Variants in GEM observed in about 807,000 individuals in gnomAD.
GEM encodes GTP-binding protein GEM.
A neutral mutation model predicts 33.0 loss-of-function variants in GEM; 31 were observed. That is an observed-to-expected ratio of 0.94 (90% CI 0.71 to 1.27). The LOEUF (loss-of-function observed/expected upper bound fraction) is 1.27, where lower values mean the gene tolerates loss of function less well. GEM is among the 50% of genes most tolerant of loss of function. The probability of loss-of-function intolerance (pLI) is 0.00; values close to 1 mark genes in which losing one functional copy is unlikely to be tolerated. For missense variants in GEM, 354 were observed against 390.5 expected (o/e 0.91, Z 0.79); for synonymous variants, 141 against 143.7 (o/e 0.98, Z 0.13).
intron 2 of GEM, among the ~76,000 whole-genome samples, chr8:94,255,050 C>T (rs950743449): frequency 6.6e-6 from 1 of 152,150 alleles, no homozygotes; most frequent in African/African-American, 2.4e-5. Flanking sequence ...GATGGCCTGA[C>T]TGCTGCTTCC....
chr8:94,250,179 G>C lies in GEM; in HGVS notation c.*131C>G. The C allele has an allele frequency of 1.4e-6, 1 of 716,708 alleles. No individual in the cohort carries two copies. Among genetic ancestry groups the C allele is most frequent in the East Asian group, 2.6e-5 (1 of 37,854 alleles). 44.4% of individuals were successfully genotyped at this position (716,708 alleles called of 1,614,324 possible). Reference sequence around the variant, plus strand: ...TCCCATGCATCATGTTGCCCACAAGGCTAATACGCTAGCTCCCTGCTACAA... The same window carrying C: ...TCCCATGCATCATGTTGCCCACAAGCCTAATACGCTAGCTCCCTGCTACAA... On this transcript the variant is annotated 3_prime_UTR_variant, in exon 5 of 5. Transcript: ENST00000297596.
At chr8:94,258,300 C>G (rs1313481244) in intron 2 of GEM, among the ~76,000 whole-genome samples, 1 of 152,192 alleles carries the variant, frequency 6.6e-6, no homozygotes, top group African/African-American at 2.4e-5. Context: ...AAAAACAACT[C>G]CCAGTCCATC....
intron 2 of GEM, among the ~76,000 whole-genome samples, chr8:94,255,471 G>A (rs908347454): frequency 2.0e-5 from 3 of 152,058 alleles, no homozygotes; most frequent in Non-Finnish European, 4.4e-5. Flanking sequence ...CAGTACATGA[G>A]TTTAGATACG....
At chr8:94,257,718 G>GGAAT (rs1483364642) in intron 2 of GEM, among the ~76,000 whole-genome samples, 11 of 152,092 alleles carry the variant, frequency 7.2e-5, no homozygotes, top group Non-Finnish European at 1.0e-4. Flanking sequence ...TAACTTCTTA[G>GGAAT]GAATGAATGA....
chr8:94,258,451 C>T (rs1438420156), intron 2 of GEM, among the ~76,000 whole-genome samples: 1 of 152,102 alleles, frequency 6.6e-6, no homozygotes, highest in Non-Finnish European at 1.5e-5. Flanking sequence ...CCTTGTATCC[C>T]AGAGCTTAGG....
intron 1 of GEM, among the ~76,000 whole-genome samples, chr8:94,261,515 GT>G (rs1288729746): frequency 6.6e-6 from 1 of 152,028 alleles, no homozygotes; most frequent in African/African-American, 2.4e-5. Flanking sequence ...ACGTCCACTA[GT>G]TTTTTTATTT....
chr8:94,252,790 A>G (rs945037267), intron 3 of GEM, among the ~76,000 whole-genome samples: 2 of 152,196 alleles, frequency 1.3e-5, no homozygotes, highest in Non-Finnish European at 2.9e-5. Flanking sequence ...AAACAAATAA[A>G]CTTTTTGGGT....
chr8:94,251,124 A>G (rs1464977953), intron 4 of GEM, among the ~76,000 whole-genome samples: 1 of 152,212 alleles, frequency 6.6e-6, no homozygotes, highest in Non-Finnish European at 1.5e-5. Context: ...TGGAAATAAG[A>G]ATTCTACTGC....
chr8:94,256,024 T>C (rs148045973), intron 2 of GEM, among the ~76,000 whole-genome samples: 210 of 152,308 alleles, frequency 1.4e-3, no homozygotes, highest in Non-Finnish European at 2.5e-3. Flanking sequence ...TCCGTTTCCA[T>C]CCTGGCAGAA....
At position 94,256,703 on chromosome 8, in the gene GEM, C is replaced by T. The variant is rs528350647; in HGVS notation, c.331+3470G>A. ...CCCCGGTCCCCTCTGGACAGCTCCA[C>T]GGGCCCCAGCCAACAGTGACCAAAG... On this transcript the variant is annotated intron_variant, in intron 2 of 4. Transcript: ENST00000297596. Among the ~76,000 whole-genome samples, 9 of 152,326 alleles carry T rather than the reference C, an allele frequency of 5.9e-5. No individual in the cohort carries two copies. The East Asian group carries it at 1.3e-3, about 23-fold the overall frequency.
chr8:94,250,637 T>G, intron 4 of GEM, 50 bp from the exon 5 acceptor site: 2 of 1,448,314 alleles, frequency 1.4e-6, no homozygotes, highest in Non-Finnish European at 9.5e-7. Context: ...CAGTCCCACA[T>G]AGCACACAGT....
rs759705261 is a variant in GEM, at chr8:94,250,423, C to T, written c.778G>A (p.Glu260Lys). 6.2e-7 allele frequency: 1 copy of T among 1,614,094 alleles called. No homozygotes were observed. The highest frequency in any genetic ancestry group is 2.2e-5 in the East Asian group (1 of 44,894). The change falls in exon 5 of 5, where the codon GAG (glutamate) becomes AAG (lysine). Residue 260 changes from glutamate to lysine, a missense_variant. By Grantham distance (56) the Glu-to-Lys change is moderately conservative. Coordinates refer to ENST00000297596, the MANE Select transcript of GEM (RefSeq NM_005261.4). ...ERRLAYQKRK[E>K]SMPRKARRFW... ...CGCCTGGCTTTCCTGGGCATGCTCT[C>T]CTTCCTTTTCTGGTAGGCCAGCCGC...
chr8:94,255,349 T>C (rs1563606697), intron 2 of GEM, among the ~76,000 whole-genome samples: 2 of 152,208 alleles, frequency 1.3e-5, no homozygotes, highest in Non-Finnish European at 2.9e-5. Flanking sequence ...GACAGGATCA[T>C]TCTGTCTGAT....
intron 3 of GEM, among the ~76,000 whole-genome samples, chr8:94,252,814 G>T (rs1808807897): frequency 6.6e-6 from 1 of 152,146 alleles, no homozygotes; most frequent in Admixed American, 6.5e-5. Flanking sequence ...TTTTTTAATA[G>T]AACTAAAGGC....
chr8:94,259,285 C>A (rs1808965304), intron 2 of GEM, among the ~76,000 whole-genome samples: 1 of 152,178 alleles, frequency 6.6e-6, no homozygotes, highest in Non-Finnish European at 1.5e-5. Context: ...GCTAAGACAC[C>A]TCCCTACTCT....
chr8:94,253,921 G>A (rs1157606068), intron 2 of GEM, among the ~76,000 whole-genome samples: 2 of 152,098 alleles, frequency 1.3e-5, no homozygotes, highest in Non-Finnish European at 2.9e-5. Context: ...CAATACCATT[G>A]AGCCCATCCC....
At chr8:94,250,637 T>C in intron 4 of GEM, 50 bp from the exon 5 acceptor site, 1 of 1,448,314 alleles carries the variant, frequency 6.9e-7, no homozygotes, top group East Asian at 2.3e-5. Context: ...CAGTCCCACA[T>C]AGCACACAGT....
At chr8:94,253,385 C>T (rs1301252029) in intron 2 of GEM, among the ~76,000 whole-genome samples, 1 of 152,194 alleles carries the variant, frequency 6.6e-6, no homozygotes, top group Non-Finnish European at 1.5e-5. Flanking sequence ...TGCATCATTC[C>T]TGGACCTTTT....
At chr8:94,252,905 T>C (rs1808809372) in intron 3 of GEM, 131 bp downstream of exon 3, 3 of 612,142 alleles carry the variant, frequency 4.9e-6, no homozygotes, top group African/African-American at 1.9e-5. Flanking sequence ...TTCAGCAGTA[T>C]GCTTTTAATC....
Sources: gnomAD v4.1 joint callset for allele counts (sites outside exome capture counted in the v4.1 genomes callset) on GRCh38, gnomAD v4.1.1 for gene constraint, MANE v1.5 for transcripts, NCBI Gene and HGNC (gene_info 2026-07-23, HGNC 2026-07-21) for gene names.